Variants in MAPK6 observed in about 807,000 individuals in gnomAD.
The protein encoded by MAPK6 is mitogen-activated protein kinase 6.
A neutral mutation model predicts 59.3 loss-of-function variants in MAPK6; 19 were observed. That is an observed-to-expected ratio of 0.32 (90% CI 0.22 to 0.47). The LOEUF (loss-of-function observed/expected upper bound fraction) is 0.47, where lower values mean the gene tolerates loss of function less well. MAPK6 is among the 20% of genes least tolerant of loss of function. The probability of loss-of-function intolerance (pLI) is 1.00; values close to 1 mark genes in which losing one functional copy is unlikely to be tolerated. For synonymous variants in MAPK6, 316 were observed against 290.3 expected (o/e 1.09, Z -0.90); for missense variants, 724 against 847.9 (o/e 0.85, Z 1.81).
At chr15:51,982,558 T>C (rs2057177685) in intron 1 of MAPK6, among the ~76,000 whole-genome samples, 1 of 152,184 alleles carries the variant, frequency 6.6e-6, no homozygotes, top group Non-Finnish European at 1.5e-5. Flanking sequence ...GAAAATGTCC[T>C]GTGTTGGTGG....
intron 1 of MAPK6, among the ~76,000 whole-genome samples, chr15:52,039,752 G>A (rs1162495261): frequency 6.6e-6 from 1 of 151,772 alleles, no homozygotes; most frequent in Non-Finnish European, 1.5e-5. Flanking sequence ...CCTGGCCTCA[G>A]GTGTTCTGCC....
intron 1 of MAPK6, among the ~76,000 whole-genome samples, chr15:51,972,195 G>A (rs945143697): frequency 7.9e-5 from 12 of 152,144 alleles, no homozygotes; most frequent in Non-Finnish European, 1.3e-4. Flanking sequence ...CTGGAGTGCA[G>A]TGGCGCGATC....
At position 51,989,124 on chromosome 15, in the gene MAPK6, G is replaced by C. The variant is rs887665478; in HGVS notation, c.-770+5809G>C. Among the ~76,000 whole-genome samples the C allele has an allele frequency of 2.0e-5, 3 of 149,472 alleles. No homozygotes were observed. In the South Asian group the frequency reaches 6.4e-4, roughly 32 times the overall value. ...AGATGGAGTCTCACTCTGTTGCCTA[G>C]GCTGGAGTACAATGGCATGATCTTG... is the stretch of plus-strand genomic sequence containing the variant. On this transcript the variant is annotated intron_variant, in intron 2 of 7. Transcript: ENST00000691380.
chr15:52,040,005 T>G (rs1001747749), intron 1 of MAPK6, among the ~76,000 whole-genome samples: 20 of 152,186 alleles, frequency 1.3e-4, no homozygotes, highest in Admixed American at 2.6e-4. Flanking sequence ...CCCAGCCTCC[T>G]TGATGTCCAA....
At chr15:51,988,861 C>T (rs1224115641) in intron 2 of MAPK6, among the ~76,000 whole-genome samples, 1 of 152,182 alleles carries the variant, frequency 6.6e-6, no homozygotes, top group African/African-American at 2.4e-5. Context: ...GCTGTGATCC[C>T]TCCAGAGGCT....
At position 52,065,258 on chromosome 15, in the gene MAPK6, A is replaced by G. The variant is rs1364507300; in HGVS notation, c.*258A>G. The G allele has an allele frequency of 2.9e-6, 1 of 342,226 alleles. No individual in the cohort carries two copies. The highest frequency in any genetic ancestry group is 5.3e-6 in the Non-Finnish European group (1 of 189,726). 21.2% of individuals were successfully genotyped at this position (342,226 alleles called of 1,614,324 possible). On this transcript the variant is annotated 3_prime_UTR_variant, in exon 6 of 6. Transcript: ENST00000261845. ...GCAGGAGGAGAAAAGAAATGCACTA[A>G]GACAAGAACATTCTCTCATAGAACA...
chr15:52,045,172 A>G (rs1267064205), intron 1 of MAPK6, among the ~76,000 whole-genome samples: 4 of 152,106 alleles, frequency 2.6e-5, no homozygotes, highest in Non-Finnish European at 5.9e-5. Flanking sequence ...AGTTTTTACT[A>G]ATTTAAACTC....
At chr15:52,002,831 A>C (rs1017464386) in intron 2 of MAPK6, among the ~76,000 whole-genome samples, 1 of 151,894 alleles carries the variant, frequency 6.6e-6, no homozygotes, top group African/African-American at 2.4e-5. Context: ...AGCACATCTT[A>C]GGTGGCAGCA....
chr15:52,039,493 T>G (rs1246792786), intron 1 of MAPK6, among the ~76,000 whole-genome samples: 1 of 150,132 alleles, frequency 6.7e-6, no homozygotes, highest in Non-Finnish European at 1.5e-5. Context: ...TTGGTAGTAG[T>G]AGGTGAGTGT....
At chr15:52,057,531 A>G in intron 3 of MAPK6, among the ~76,000 whole-genome samples, 1 of 145,732 alleles carries the variant, frequency 6.9e-6, no homozygotes, top group Non-Finnish European at 1.5e-5. Context: ...TTAATTTTCC[A>G]CTTCTTAGTG....
At chr15:51,993,153 C>T (rs2057214940) in intron 2 of MAPK6, among the ~76,000 whole-genome samples, 1 of 152,122 alleles carries the variant, frequency 6.6e-6, no homozygotes, top group African/African-American at 2.4e-5. Context: ...AAAGTTACCT[C>T]ATTAGAAAAA....
At chr15:52,059,275 A>G (rs1281642039) in intron 4 of MAPK6, among the ~76,000 whole-genome samples, 1 of 152,214 alleles carries the variant, frequency 6.6e-6, no homozygotes, top group African/African-American at 2.4e-5. Context: ...TATCTAAATG[A>G]GTCCTCTGTG....
intron 4 of MAPK6, 138 bp from the exon 5 acceptor site, chr15:52,061,161 A>G (rs1409820050): frequency 1.5e-6 from 1 of 646,420 alleles, no homozygotes; most frequent in East Asian, 2.7e-5. Flanking sequence ...TACAATTAAG[A>G]TGCTCATTTC....
chr15:51,995,392 T>C, intron 2 of MAPK6, among the ~76,000 whole-genome samples: 1 of 152,206 alleles, frequency 6.6e-6, no homozygotes, highest in Non-Finnish European at 1.5e-5. Flanking sequence ...GATTGCTGTC[T>C]GCTGACAGTA....
chr15:52,007,445 C>T (rs1206033538), intron 3 of MAPK6, among the ~76,000 whole-genome samples: 2 of 152,092 alleles, frequency 1.3e-5, no homozygotes, highest in Non-Finnish European at 2.9e-5. Context: ...TCCTCCTGCT[C>T]TCTCTCTCTT....
chr15:52,013,170 A>G (rs538650194), intron 3 of MAPK6, among the ~76,000 whole-genome samples: 3 of 150,308 alleles, frequency 2.0e-5, no homozygotes, highest in African/African-American at 7.3e-5. Flanking sequence ...ATCTAAACCC[A>G]CATCACTCCA....
chr15:52,038,464 C>G (rs1376510489), intron 1 of MAPK6, among the ~76,000 whole-genome samples: 1 of 152,192 alleles, frequency 6.6e-6, no homozygotes, highest in Non-Finnish European at 1.5e-5. Flanking sequence ...GATAGTCTTA[C>G]TTTTCTCTGC....
Position 52,024,878 on chromosome 15 carries a change from C to CTTTTT in MAPK6, c.-632+5522_-632+5526dup, listed in dbSNP as rs35983896. 1.2e-4 allele frequency among the ~76,000 whole-genome samples: 10 copies of CTTTTT among 84,152 alleles called. 1 individual carries two copies. Among genetic ancestry groups the CTTTTT allele is most frequent in the African/African-American group, 2.7e-4 (6 of 22,254 alleles). The allele number at this position is 84,152 out of a possible 152,430, so 55.2% of individuals were successfully genotyped here. ...ACAGGCATGTGCCATCATACACTGC[C>CTTTTT]TTTTTTTTTTTTTTTTTTTTTTTTA... is the stretch of plus-strand genomic sequence containing the variant. On this transcript the variant is annotated intron_variant, in intron 1 of 5. Coordinates refer to ENST00000261845, the MANE Select transcript of MAPK6 (RefSeq NM_002748.4).
intron 1 of MAPK6, among the ~76,000 whole-genome samples, chr15:52,036,103 T>C (rs963332315): frequency 6.6e-6 from 1 of 152,112 alleles, no homozygotes; most frequent in Non-Finnish European, 1.5e-5. Flanking sequence ...GGTGGGGTGG[T>C]GTGCGCCTGT....
Sources: gnomAD v4.1 joint callset for allele counts (sites outside exome capture counted in the v4.1 genomes callset) on GRCh38, gnomAD v4.1.1 for gene constraint, MANE v1.5 for transcripts, NCBI Gene and HGNC (gene_info 2026-07-23, HGNC 2026-07-21) for gene names.